NRROS: variants seen among roughly 807,000 people sequenced by gnomAD.
NRROS encodes the protein negative regulator of reactive oxygen species, also known as transforming growth factor beta activator LRRC33.
NRROS carries 6 observed loss-of-function variants against 12.0 expected under a neutral mutation model. That is an observed-to-expected ratio of 0.50 (90% CI 0.27 to 0.98). The LOEUF (loss-of-function observed/expected upper bound fraction) is 0.98. Ranked by LOEUF, NRROS falls within the 50% of genes least tolerant of loss-of-function variation. NRROS has a pLI of 0.11. For missense variants in NRROS, 857 were observed against 888.2 expected, an observed-to-expected ratio of 0.96 and a Z score of 0.45; for synonymous variants, 462 against 410.2, an observed-to-expected ratio of 1.13 and a Z score of -1.53.
intron 1 of NRROS, among the ~76,000 whole-genome samples, chr3:196,643,937 G>A (rs1162846560): frequency 6.6e-6 from 1 of 152,142 alleles, no homozygotes; most frequent in Non-Finnish European, 1.5e-5. Flanking sequence ...AGGCTCAGTG[G>A]GGAGCAGGGC....
intron 1 of NRROS, among the ~76,000 whole-genome samples, chr3:196,651,976 C>T (rs1005903161): frequency 6.6e-5 from 10 of 152,086 alleles, no homozygotes; most frequent in African/African-American, 2.4e-4. Flanking sequence ...CAGGTGACAG[C>T]AGTTTGAGGC....
rs371529307 is a variant in NRROS at position 196,639,702 on chromosome 3, G to C, written c.-187G>C. The C allele has an allele frequency of 3.9e-5, 6 of 152,286 alleles. No individual in the cohort carries two copies. Among genetic ancestry groups the C allele is most frequent in the African/African-American group, 1.2e-4 (5 of 41,430 alleles). 9.4% of individuals were successfully genotyped at this position (152,286 alleles called of 1,614,324 possible). A position where few individuals can be genotyped will look rare whatever the true frequency, so the allele number is the denominator to read the frequency against. ...CTGAGTGAGCCTGTGCTGAGTCGCC[G>C]AGCAGCCCGCTCTCCATGTGACTTC... On this transcript the variant is annotated 5_prime_UTR_variant, in exon 1 of 3. Coordinates refer to ENST00000328557, the MANE Select transcript of NRROS (RefSeq NM_198565.3).
chr3:196,642,541 T>C (rs187468177), intron 1 of NRROS, among the ~76,000 whole-genome samples: 2 of 152,284 alleles, frequency 1.3e-5, no homozygotes, highest in Non-Finnish European at 2.9e-5. Context: ...AAGTCTCCTT[T>C]CCATGAGTTC....
intron 2 of NRROS, among the ~76,000 whole-genome samples, chr3:196,658,829 G>T (rs113351305): frequency 0.036 from 5,431 of 152,154 alleles, 152 homozygotes; most frequent in Middle Eastern, 0.075. Flanking sequence ...AGTTAGCTGG[G>T]CGTGGTGGCA....
intron 1 of NRROS, among the ~76,000 whole-genome samples, chr3:196,647,877 T>C (rs970213757): frequency 1.3e-5 from 2 of 152,130 alleles, no homozygotes; most frequent in African/African-American, 4.8e-5. Context: ...AATTTTTGTA[T>C]TTTTAGTAGA....
Position 196,661,623 on chromosome 3 carries a change from C to T in NRROS, c.1980C>T (p.Cys660=). 6.2e-7 allele frequency: 1 copy of T among 1,612,664 alleles called. No individual in the cohort carries two copies. Among genetic ancestry groups the T allele is most frequent in the Non-Finnish European group, 8.5e-7 (1 of 1,179,932 alleles). Residue 660 remains cysteine, a synonymous_variant, in exon 3 of 3, where the codon TGC becomes TGT. Coordinates refer to ENST00000328557, the MANE Select transcript of NRROS (RefSeq NM_198565.3). The part of the protein sequence containing the change: ...LLYLVLILPS[C]LTLLVACTVI... ...ACCTCGTGCTCATCCTCCCCAGCTG[C>T]CTCACCCTGCTGGTGGCCTGCACTG...
chr3:196,643,710 T>C (rs1332026684), intron 1 of NRROS, among the ~76,000 whole-genome samples: 1 of 152,232 alleles, frequency 6.6e-6, no homozygotes, highest in Non-Finnish European at 1.5e-5. Flanking sequence ...TGTCACTCCA[T>C]TTCAGATGTC....
chr3:196,641,567 GT>G (rs1293615695), intron 1 of NRROS, among the ~76,000 whole-genome samples: 1 of 152,184 alleles, frequency 6.6e-6, no homozygotes, highest in Non-Finnish European at 1.5e-5. Flanking sequence ...TTCTCTTATA[GT>G]TTTTAAATTC....
chr3:196,658,847 G>A (rs1737594911), intron 2 of NRROS, among the ~76,000 whole-genome samples: 2 of 152,232 alleles, frequency 1.3e-5, no homozygotes, highest in Non-Finnish European at 2.9e-5. Flanking sequence ...GCATGTGCCT[G>A]TAATCCCAGC....
intron 2 of NRROS, among the ~76,000 whole-genome samples, chr3:196,659,177 T>G (rs1737606214): frequency 6.6e-6 from 1 of 152,124 alleles, no homozygotes; most frequent in Non-Finnish European, 1.5e-5. Context: ...GGAAAAGCAC[T>G]GAACTGGGCA....
In NRROS at chr3:196,660,675, A is replaced by C. The variant is rs542153068; in HGVS notation, c.1032A>C (p.Pro344=). Reference sequence around the variant, plus strand: ...GCCAGAACCAGTTCCAGTACCTGCCAGACGGCTTCCTGAGGAAAATGCCTT... The same window carrying C: ...GCCAGAACCAGTTCCAGTACCTGCCCGACGGCTTCCTGAGGAAAATGCCTT... ...DMSQNQFQYL[P]DGFLRKMPSL... The change falls in exon 3 of 3, where the codon CCA becomes CCC. Residue 344 remains proline (P), a synonymous_variant. Transcript: ENST00000328557. The surrounding 1 kb of genome is among the most constrained non-coding windows in gnomAD (Gnocchi z 7.7). 1.3e-5 allele frequency: 21 copies of C among 1,614,170 alleles called. No homozygotes were observed. The African/African-American group carries it at 2.5e-4, about 19-fold the overall frequency.
chr3:196,650,032 G>A (rs1737389559), intron 1 of NRROS, among the ~76,000 whole-genome samples: 1 of 152,214 alleles, frequency 6.6e-6, no homozygotes, highest in African/African-American at 2.4e-5. Flanking sequence ...AACAAGGAGA[G>A]GCCGTCACTC....
chr3:196,649,543 C>T (rs1389028316), intron 1 of NRROS, among the ~76,000 whole-genome samples: 1 of 152,192 alleles, frequency 6.6e-6, no homozygotes, highest in African/African-American at 2.4e-5. Context: ...GTGATCTCGG[C>T]TCACTGCAAG....
rs989337750 is a variant in NRROS at position 196,654,808 on chromosome 3, A to G, written c.108+161A>G. 1 of 583,814 alleles carries G rather than the reference A, an allele frequency of 1.7e-6. No homozygotes were observed. The highest frequency in any genetic ancestry group is 3.0e-6 in the Non-Finnish European group (1 of 330,484). The allele number at this position is 583,814 out of a possible 1,614,324, so 36.2% of individuals were successfully genotyped here. On this transcript the variant is annotated intron_variant, in intron 2 of 2. Transcript: ENST00000328557. The surrounding 1 kb of genome is among the most constrained non-coding windows in gnomAD (Gnocchi z 4.4). ...CAGGGGCATGTGCAGCTGCCCTTTA[A>G]CCACAGGATTTTAAGATGCTTCCTG...
intron 1 of NRROS, among the ~76,000 whole-genome samples, chr3:196,641,943 G>A (rs900942960): frequency 8.5e-5 from 13 of 152,200 alleles, no homozygotes; most frequent in African/African-American, 3.1e-4. Context: ...AGATGTCTGT[G>A]CTCACTGATG....
intron 1 of NRROS, among the ~76,000 whole-genome samples, chr3:196,643,098 G>A (rs1275325380): frequency 4.0e-5 from 6 of 150,568 alleles, no homozygotes; most frequent in East Asian, 3.9e-4. Flanking sequence ...AAAGATAATC[G>A]CTTTCATGTT....
intron 1 of NRROS, among the ~76,000 whole-genome samples, chr3:196,641,424 A>G (rs1446779780): frequency 6.6e-6 from 1 of 152,092 alleles, no homozygotes; most frequent in Non-Finnish European, 1.5e-5. Context: ...TGTGTTGCCC[A>G]GGCTGGTCTC....
At chr3:196,644,290 T>C (rs545253415) in intron 1 of NRROS, among the ~76,000 whole-genome samples, 2 of 151,856 alleles carry the variant, frequency 1.3e-5, no homozygotes, top group Non-Finnish European at 2.9e-5. Context: ...GCACAGCTAC[T>C]TGGGAGGCTG....
rs1737650937 is a variant in NRROS, at chr3:196,660,654, G to A, written c.1011G>A (p.Gln337=). 1 of 1,614,058 alleles carries A rather than the reference G, an allele frequency of 6.2e-7. No individual in the cohort carries two copies. The highest frequency in any genetic ancestry group is 8.5e-7 in the Non-Finnish European group (1 of 1,180,034). ...LADLRFLDMS[Q]NQFQYLPDGF... ...ATCTCCGCTTCCTGGACATGAGCCA[G>A]AACCAGTTCCAGTACCTGCCAGACG... The change falls in exon 3 of 3, where the codon CAG becomes CAA. Residue 337 remains glutamine, a synonymous_variant. Coordinates refer to ENST00000328557, the MANE Select transcript of NRROS (RefSeq NM_198565.3). The surrounding 1 kb of genome is among the most constrained non-coding windows in gnomAD (Gnocchi z 7.7).
Sources: allele counts gnomAD v4.1 joint callset (sites outside exome capture counted in the v4.1 genomes callset), GRCh38; gene constraint gnomAD v4.1.1; non-coding constraint Gnocchi (gnomAD v3.1); transcripts MANE v1.5; gene names NCBI Gene and HGNC (gene_info 2026-07-23, HGNC 2026-07-21).